The following FAM178B variants were observed in gnomAD, a reference collection of about 807,000 sequenced individuals.
FAM178B encodes family with sequence similarity 178 member B, also known as protein FAM178B.
A neutral mutation model predicts 91.7 loss-of-function variants in FAM178B; 82 were observed. The ratio of observed to expected loss-of-function variants is 0.89; its 90% CI spans 0.75 to 1.07. The LOEUF (loss-of-function observed/expected upper bound fraction) is 1.07, where lower values mean the gene tolerates loss of function less well. Ranked by LOEUF, FAM178B falls within the 50% of genes least tolerant of loss-of-function variation. The pLI is 0.00. For synonymous variants in FAM178B, 368 were observed against 359.4 expected (o/e 1.02, Z -0.27); for missense variants, 769 against 846.7 (o/e 0.91, Z 1.14).
intron 12 of FAM178B, among the ~76,000 whole-genome samples, chr2:96,909,171 AAAAG>A (rs898338918): frequency 2.0e-5 from 3 of 151,938 alleles, no homozygotes; most frequent in Non-Finnish European, 2.9e-5. Flanking sequence ...GAAAAAAGAA[AAAAG>A]AAAACACCTT....
intron 14 of FAM178B, among the ~76,000 whole-genome samples, chr2:96,881,517 G>C (rs1031712779): frequency 4.0e-5 from 6 of 151,824 alleles, no homozygotes; most frequent in African/African-American, 1.5e-4. Flanking sequence ...TCACTGGCCT[G>C]CTCCACCCAT....
intron 16 of FAM178B, 112 bp downstream of exon 16, chr2:96,877,778 C>G (rs771471104): frequency 7.2e-6 from 8 of 1,113,856 alleles, no homozygotes; most frequent in African/African-American, 3.1e-5. Flanking sequence ...CCACCCATAT[C>G]CCTGCCAGGA....
chr2:96,906,622 G>A (rs1222829148), intron 12 of FAM178B, among the ~76,000 whole-genome samples: 1 of 152,128 alleles, frequency 6.6e-6, no homozygotes, highest in African/African-American at 2.4e-5. Flanking sequence ...CTGAACCATG[G>A]GATAACTAAC....
At chr2:96,903,328 C>A (rs533999140) in intron 12 of FAM178B, among the ~76,000 whole-genome samples, 2 of 152,242 alleles carry the variant, frequency 1.3e-5, no homozygotes, top group Non-Finnish European at 2.9e-5. Flanking sequence ...CGTGAGCCAC[C>A]GCGCCCGGCT....
At chr2:96,954,999 G>A (rs1170969976) in intron 6 of FAM178B, among the ~76,000 whole-genome samples, 3 of 152,312 alleles carry the variant, frequency 2.0e-5, no homozygotes, top group African/African-American at 7.2e-5. Context: ...GCAGTGAGCT[G>A]TGATCGTACT....
rs1360504481 is a variant in FAM178B at position 96,972,072 on chromosome 2, G to T, written c.393C>A (p.Ala131=). The part of the protein sequence containing the change: ...RVLQASREAP[A]QRWVGVVGPQ... ...GGCCCACCACACCCACCCACCTCTG[G>T]GCCGGGGCCTCCCGACTGGCCTGCA... Residue 131 remains alanine, a synonymous_variant, in exon 3 of 17, where the codon GCC becomes GCA. Transcript: ENST00000490605. The T allele has an allele frequency of 6.5e-7, 1 of 1,542,680 alleles. No homozygotes were observed. Among genetic ancestry groups the T allele is most frequent in the Admixed American group, 2.0e-5 (1 of 49,748 alleles).
At chr2:96,895,193 G>T in intron 13 of FAM178B, 2 of 1,031,020 alleles carry the variant, frequency 1.9e-6, no homozygotes, top group Non-Finnish European at 2.6e-6. Flanking sequence ...CCCATAAAGA[G>T]CTTCTACAGA....
At chr2:96,879,306 C>A (rs1017827705) in intron 14 of FAM178B, among the ~76,000 whole-genome samples, 1 of 152,204 alleles carries the variant, frequency 6.6e-6, no homozygotes, top group African/African-American at 2.4e-5. Context: ...AGATGACCAG[C>A]CCCGAGGACG....
At chr2:96,979,864 T>C (rs902389848) in intron 1 of FAM178B, among the ~76,000 whole-genome samples, 2 of 152,258 alleles carry the variant, frequency 1.3e-5, no homozygotes, top group Admixed American at 6.5e-5. Flanking sequence ...GTCACATTTC[T>C]GTTGAGAATG....
intron 8 of FAM178B, among the ~76,000 whole-genome samples, chr2:96,932,225 C>T (rs1162888297): frequency 6.6e-6 from 1 of 152,250 alleles, no homozygotes; most frequent in East Asian, 1.9e-4. Context: ...TCCTGACTCA[C>T]AGGCAGCAGT....
At chr2:96,938,013 G>C (rs1013467578) in intron 8 of FAM178B, among the ~76,000 whole-genome samples, 2 of 152,152 alleles carry the variant, frequency 1.3e-5, no homozygotes, top group African/African-American at 4.8e-5. Flanking sequence ...CAGCCTGGGT[G>C]ACAGAGTGAG....
chr2:96,964,607 T>C (rs1039902871), intron 5 of FAM178B, among the ~76,000 whole-genome samples: 1 of 149,158 alleles, frequency 6.7e-6, no homozygotes, highest in African/African-American at 2.5e-5. Context: ...CCTTGGTCAC[T>C]ACCATTGGCC....
intron 12 of FAM178B, among the ~76,000 whole-genome samples, chr2:96,915,108 C>T (rs1330570610): frequency 1.3e-5 from 2 of 148,518 alleles, no homozygotes; most frequent in African/African-American, 5.1e-5. Context: ...TTATCTATAA[C>T]CAAATTTTTT....
rs541451444 is a variant in FAM178B, at chr2:96,986,403, G to A, written c.-90C>T. 2.1e-5 allele frequency: 31 copies of A among 1,446,838 alleles called. No homozygotes were observed. Among genetic ancestry groups the A allele is most frequent in the Non-Finnish European group, 2.8e-5 (31 of 1,093,650 alleles). 89.6% of individuals were successfully genotyped at this position (1,446,838 alleles called of 1,614,324 possible). A position where few individuals can be genotyped will look rare whatever the true frequency, so the allele number is the denominator to read the frequency against. On this transcript the variant is annotated 5_prime_UTR_variant, in exon 1 of 17. Coordinates refer to ENST00000490605, the MANE Select transcript of FAM178B (RefSeq NM_001122646.3). ...CGGGGCCAGCTAGCCGGGAAAGGAA[G>A]CAGGAGCAGGCTCCCCAGGCGGCGC...
chr2:96,942,498 T>C (rs556745070), intron 8 of FAM178B, among the ~76,000 whole-genome samples: 2 of 152,350 alleles, frequency 1.3e-5, no homozygotes, highest in East Asian at 3.9e-4. Context: ...GTTCACGCCA[T>C]TCTCCTGCCT....
chr2:96,905,843 T>G (rs1172726143), intron 12 of FAM178B, among the ~76,000 whole-genome samples: 1 of 31,026 alleles, frequency 3.2e-5, no homozygotes, highest in Non-Finnish European at 8.9e-5. Flanking sequence ...TATATATATA[T>G]ATATATATAT....
intron 1 of FAM178B, 73 bp downstream of exon 1, chr2:96,986,168 G>A (rs2082420813): frequency 2.0e-6 from 3 of 1,529,938 alleles, no homozygotes; most frequent in African/African-American, 1.4e-5. Flanking sequence ...CCAGCCAGGA[G>A]TCCCAGGGAA....
chr2:96,985,399 T>C (rs1289884958), intron 1 of FAM178B, among the ~76,000 whole-genome samples: 1 of 152,104 alleles, frequency 6.6e-6, no homozygotes, highest in East Asian at 1.9e-4. Context: ...TGGGCTCTTG[T>C]CTCCCCGAAT....
At chr2:96,933,819 C>T (rs1237455685) in intron 8 of FAM178B, among the ~76,000 whole-genome samples, 2 of 152,142 alleles carry the variant, frequency 1.3e-5, no homozygotes, top group African/African-American at 4.8e-5. Flanking sequence ...GGCAAGGGGG[C>T]AAGAGGGCCA....
Sources: allele counts gnomAD v4.1 joint callset (sites outside exome capture counted in the v4.1 genomes callset), GRCh38; gene constraint gnomAD v4.1.1; transcripts MANE v1.5; gene names NCBI Gene and HGNC (gene_info 2026-07-23, HGNC 2026-07-21).